Variants in GNA14 observed in about 807,000 individuals in gnomAD.
GNA14 encodes the protein G protein subunit alpha 14, also known as guanine nucleotide-binding protein subunit alpha-14.
In GNA14, 50 loss-of-function variants were observed where a neutral mutation model predicts 42.0. The observed-to-expected ratio is 1.19, with a 90% CI of 0.95 to 1.51. The LOEUF (loss-of-function observed/expected upper bound fraction) is 1.51, where lower values mean the gene tolerates loss of function less well. Ranked by LOEUF, GNA14 falls within the 40% of genes most tolerant of loss-of-function variation. The pLI is 0.00. For synonymous variants in GNA14, 173 were observed against 163.1 expected (o/e 1.06, Z -0.46); for missense variants, 473 against 446.2 (o/e 1.06, Z -0.54).
At chr9:77,633,766 C>T (rs1407875456) in intron 1 of GNA14, among the ~76,000 whole-genome samples, 1 of 152,148 alleles carries the variant, frequency 6.6e-6, no homozygotes, top group East Asian at 1.9e-4. Flanking sequence ...GGCATCAGAC[C>T]ACCTGGATTC....
chr9:77,450,883 A>G (rs1835891437), intron 2 of GNA14, among the ~76,000 whole-genome samples: 1 of 151,994 alleles, frequency 6.6e-6, no homozygotes. Context: ...TGACGGTTTT[A>G]TAAAGGGCAT....
intron 2 of GNA14, among the ~76,000 whole-genome samples, chr9:77,453,465 A>C (rs1294882399): frequency 6.6e-6 from 1 of 152,256 alleles, no homozygotes; most frequent in East Asian, 1.9e-4. Context: ...CTTTGAATGA[A>C]TAAATGAATC....
In GNA14 at chr9:77,613,277, C is replaced by A. The variant is rs575660310; in HGVS notation, c.124+34393G>T. Among the ~76,000 whole-genome samples the A allele has an allele frequency of 3.9e-5, 6 of 152,314 alleles. No homozygotes were observed. The South Asian group carries it at 1.2e-3, about 32-fold the overall frequency. ...AAAACTTTTATTCCATAATATGCTT[C>A]TCTACACTCACAAACTTAACACTAA... On this transcript the variant is annotated intron_variant, in intron 1 of 6. Transcript: ENST00000341700.
intron 2 of GNA14, among the ~76,000 whole-genome samples, chr9:77,458,016 T>C (rs1343402514): frequency 6.6e-6 from 1 of 152,226 alleles, no homozygotes; most frequent in African/African-American, 2.4e-5. Context: ...ACGGTGGTTT[T>C]AATCCTGGAT....
Position 77,601,851 on chromosome 9 carries a change from T to C in GNA14, c.124+45819A>G, listed in dbSNP as rs144457597. On this transcript the variant is annotated intron_variant, in intron 1 of 6. Coordinates refer to ENST00000341700, the MANE Select transcript of GNA14 (RefSeq NM_004297.4). ...TGTTTGTCTCTTAAGCCCTCCACTC[T>C]TGGTAACAATGTTTTACTTCAATGC... 6.0e-3 allele frequency among the ~76,000 whole-genome samples: 911 copies of C among 152,344 alleles called. 8 individuals are homozygous for C. Among genetic ancestry groups the C allele is most frequent in the African/African-American group, 0.021 (863 of 41,578 alleles).
chr9:77,588,395 A>G (rs1823338538), intron 1 of GNA14, among the ~76,000 whole-genome samples: 1 of 152,228 alleles, frequency 6.6e-6, no homozygotes, highest in Non-Finnish European at 1.5e-5. Context: ...ATGTGAAAGT[A>G]ACAAGCAGGA....
chr9:77,634,527 GC>G (rs1824151052), intron 1 of GNA14, among the ~76,000 whole-genome samples: 1 of 151,606 alleles, frequency 6.6e-6, no homozygotes, highest in Admixed American at 6.6e-5. Context: ...GAGGGAGGAG[GC>G]AAAAAGGCAG....
At chr9:77,485,099 G>A (rs935153723) in intron 2 of GNA14, among the ~76,000 whole-genome samples, 5 of 152,106 alleles carry the variant, frequency 3.3e-5, no homozygotes, top group Admixed American at 1.3e-4. Flanking sequence ...AAAAGACTTC[G>A]TGTCATGTGA....
rs77369357 is a variant in GNA14 at position 77,552,843 on chromosome 9, A to G, written c.125-23590T>C. On this transcript the variant is annotated intron_variant, in intron 1 of 6. Coordinates refer to ENST00000341700, the MANE Select transcript of GNA14 (RefSeq NM_004297.4). ...CATCTTAATTGAAATGCCCATAACT[A>G]TCAGATTCTAACTTATTTTCCATCC... Among the ~76,000 whole-genome samples, 63 of 152,320 alleles carry G rather than the reference A, an allele frequency of 4.1e-4. No individual in the cohort carries two copies. In the East Asian group the frequency reaches 9.5e-3, roughly 23 times the overall value.
In GNA14 at chr9:77,612,270, C is replaced by A. The variant is rs1162209742; in HGVS notation, c.124+35400G>T. Reference sequence around the variant, plus strand: ...CAAGAAAGAAAAAGTAAGATTACACCCACTCAAAGAACTAAAATCAAAGTC... The same window carrying A: ...CAAGAAAGAAAAAGTAAGATTACACACACTCAAAGAACTAAAATCAAAGTC... On this transcript the variant is annotated intron_variant, in intron 1 of 6. Transcript: ENST00000341700. Among the ~76,000 whole-genome samples the A allele has an allele frequency of 2.0e-5, 3 of 152,004 alleles. No individual in the cohort carries two copies. The East Asian group carries it at 5.8e-4, about 29-fold the overall frequency.
intron 2 of GNA14, among the ~76,000 whole-genome samples, chr9:77,474,420 T>C (rs1340965598): frequency 1.5e-5 from 2 of 135,526 alleles, no homozygotes; most frequent in Non-Finnish European, 3.2e-5. Context: ...TCATTATCCA[T>C]CCAGGAAACA....
At chr9:77,542,077 T>C (rs1168256339) in intron 1 of GNA14, among the ~76,000 whole-genome samples, 7 of 152,188 alleles carry the variant, frequency 4.6e-5, no homozygotes, top group Non-Finnish European at 8.8e-5. Context: ...ATTGTGTTCC[T>C]TTGGAGGTGT....
intron 2 of GNA14, among the ~76,000 whole-genome samples, chr9:77,435,713 G>C (rs1835630876): frequency 6.6e-6 from 1 of 152,048 alleles, no homozygotes; most frequent in African/African-American, 2.4e-5. Flanking sequence ...TTAATCAATG[G>C]GAGGCTAGCA....
chr9:77,431,304 C>G lies in GNA14; in HGVS notation c.593+17G>C, dbSNP rs986009054. 3 of 1,611,136 alleles carry G rather than the reference C, an allele frequency of 1.9e-6. No homozygotes were observed. Among genetic ancestry groups the G allele is most frequent in the Non-Finnish European group, 2.5e-6 (3 of 1,178,048 alleles). On this transcript the variant is annotated intron_variant, in intron 4 of 6. Coordinates refer to ENST00000341700, the MANE Select transcript of GNA14 (RefSeq NM_004297.4). The stretch of plus-strand genomic sequence containing the variant: ...CCTGGGCAGATTCTTCATGGTACAT[C>G]AGGGAGACAGACTTACCGAAAGATG...
At chr9:77,485,739 C>G (rs1274202853) in intron 2 of GNA14, among the ~76,000 whole-genome samples, 2 of 152,186 alleles carry the variant, frequency 1.3e-5, no homozygotes, top group Non-Finnish European at 2.9e-5. Flanking sequence ...ACATCTCCAT[C>G]AGAGCGCTTA....
At position 77,428,919 on chromosome 9, in the gene GNA14, C is replaced by G; in HGVS notation, c.711G>C (p.Glu237Asp). The stretch of plus-strand genomic sequence containing the variant: ...CCGCCCAGCATACCTCGTTGTCACA[C>G]TCAGCCAGGACCTGGTCATATTCAC... ...ALSEYDQVLA[E>D]CDNENRMEES... is the part of the protein sequence containing the mutation. The change falls in exon 5 of 7, where the codon GAG becomes GAC. Residue 237 changes from glutamate to aspartate, a missense_variant. Coordinates refer to ENST00000341700, the MANE Select transcript of GNA14 (RefSeq NM_004297.4). 6.2e-7 allele frequency: 1 copy of G among 1,613,614 alleles called. No individual in the cohort carries two copies. The highest frequency in any genetic ancestry group is 8.5e-7 in the Non-Finnish European group (1 of 1,179,748).
chr9:77,439,539 A>G (rs1835692163), intron 2 of GNA14, among the ~76,000 whole-genome samples: 1 of 152,226 alleles, frequency 6.6e-6, no homozygotes, highest in Non-Finnish European at 1.5e-5. Context: ...CAGGAGGCTG[A>G]GGTGGGAGGA....
intron 1 of GNA14, among the ~76,000 whole-genome samples, chr9:77,592,193 T>C (rs888961909): frequency 2.4e-4 from 37 of 152,206 alleles, no homozygotes; most frequent in East Asian, 3.9e-4. Context: ...TGAGCCACCG[T>C]GCCTGGCCAT....
At chr9:77,455,293 CAG>C (rs1313701696) in intron 2 of GNA14, among the ~76,000 whole-genome samples, 1 of 152,242 alleles carries the variant, frequency 6.6e-6, no homozygotes, top group Non-Finnish European at 1.5e-5. Flanking sequence ...TCAAGGCTAG[CAG>C]AGACTCTCCT....
Sources: gnomAD v4.1 joint callset for allele counts (sites outside exome capture counted in the v4.1 genomes callset) on GRCh38, gnomAD v4.1.1 for gene constraint, MANE v1.5 for transcripts, NCBI Gene and HGNC (gene_info 2026-07-23, HGNC 2026-07-21) for gene names.